Variants in LDLRAD4 observed in about 807,000 individuals in gnomAD.
LDLRAD4 encodes low-density lipoprotein receptor class A domain-containing protein 4.
Under a neutral mutation model 17.0 loss-of-function variants are expected in LDLRAD4, and 5 were observed. The observed-to-expected ratio is 0.29, with a 90% confidence interval of 0.15 to 0.62. The LOEUF is 0.62. LDLRAD4 is among the 20% of genes least tolerant of loss of function. The pLI is 0.84. For missense variants in LDLRAD4, 340 were observed against 424.7 expected, an observed-to-expected ratio of 0.80 and a Z score of 1.75; for synonymous variants, 168 against 171.8, an observed-to-expected ratio of 0.98 and a Z score of 0.17.
intron 3 of LDLRAD4, among the ~76,000 whole-genome samples, chr18:13,534,111 G>T (rs1235548050): frequency 6.6e-6 from 1 of 152,084 alleles, no homozygotes; most frequent in Non-Finnish European, 1.5e-5. Context: ...AAAACTCCTG[G>T]TGGTTTTGTA....
intron 1 of LDLRAD4, among the ~76,000 whole-genome samples, chr18:13,221,852 CATAGAT>C (rs1273306202): frequency 2.0e-5 from 3 of 152,266 alleles, no homozygotes; most frequent in African/African-American, 7.2e-5. Context: ...TTACAAAGAA[CATAGAT>C]ATAATTTCTC....
chr18:13,314,154 C>T (rs1322180294), intron 1 of LDLRAD4, among the ~76,000 whole-genome samples: 2 of 152,006 alleles, frequency 1.3e-5, no homozygotes, highest in Non-Finnish European at 2.9e-5. Context: ...ATCAGTGGGG[C>T]CCGAGGGGAG....
intron 1 of LDLRAD4, among the ~76,000 whole-genome samples, chr18:13,292,702 A>T (rs1459896786): frequency 6.6e-6 from 1 of 152,166 alleles, no homozygotes; most frequent in Non-Finnish European, 1.5e-5. Context: ...TGCTTTCTTC[A>T]CTTAGCAGCA....
chr18:13,405,161 G>A (rs2087614682), intron 2 of LDLRAD4, among the ~76,000 whole-genome samples: 1 of 151,834 alleles, frequency 6.6e-6, no homozygotes, highest in Admixed American at 6.6e-5. Context: ...TTATTAGTTA[G>A]CATTTAATTA....
chr18:13,397,173 T>C (rs1216410921), intron 2 of LDLRAD4, among the ~76,000 whole-genome samples: 2 of 152,172 alleles, frequency 1.3e-5, no homozygotes, highest in African/African-American at 4.8e-5. Flanking sequence ...TCTCTCTCTG[T>C]CGCTCTGTCG....
chr18:13,341,377 A>G (rs1396913811), intron 1 of LDLRAD4, among the ~76,000 whole-genome samples: 1 of 152,064 alleles, frequency 6.6e-6, no homozygotes, highest in Non-Finnish European at 1.5e-5. Context: ...ATGTCTTTTT[A>G]TTAATTGGTG....
chr18:13,493,454 A>T (rs2147137798), intron 3 of LDLRAD4, among the ~76,000 whole-genome samples: 1 of 152,348 alleles, frequency 6.6e-6, no homozygotes, highest in East Asian at 1.9e-4. Flanking sequence ...GGAAGCAATG[A>T]TCACTAGAAA....
intron 3 of LDLRAD4, among the ~76,000 whole-genome samples, chr18:13,459,444 G>A (rs1331117016): frequency 1.3e-5 from 2 of 151,388 alleles, no homozygotes; most frequent in Admixed American, 1.3e-4. Flanking sequence ...AGTGCAGTGT[G>A]TGATCTCAGC....
chr18:13,419,168 G>A (rs181461307), intron 2 of LDLRAD4, among the ~76,000 whole-genome samples: 58 of 152,286 alleles, frequency 3.8e-4, no homozygotes, highest in African/African-American at 1.3e-3. Flanking sequence ...TGCTATAATG[G>A]CATCTATGCA....
chr18:13,421,294 G>A (rs2089425958), intron 2 of LDLRAD4: 1 of 152,304 alleles, frequency 6.6e-6, no homozygotes, highest in Non-Finnish European at 1.5e-5. Context: ...GGTAGGCAAG[G>A]GGTGTGGAAT....
chr18:13,341,604 G>A (rs1599535987), intron 1 of LDLRAD4, among the ~76,000 whole-genome samples: 1 of 152,004 alleles, frequency 6.6e-6, no homozygotes, highest in African/African-American at 2.4e-5. Flanking sequence ...TATGTTTTAT[G>A]TTCATTAATT....
At chr18:13,260,608 C>T (rs140984238) in intron 1 of LDLRAD4, among the ~76,000 whole-genome samples, 6 of 152,274 alleles carry the variant, frequency 3.9e-5, no homozygotes, top group African/African-American at 1.2e-4. Context: ...CTGACTCAGC[C>T]GACTATTTCC....
At chr18:13,559,626 ATATG>A (rs1266529624) in intron 3 of LDLRAD4, among the ~76,000 whole-genome samples, 1 of 152,216 alleles carries the variant, frequency 6.6e-6, no homozygotes, top group African/African-American at 2.4e-5. Context: ...ATCTGTGTAC[ATATG>A]TATGTATGTA....
At chr18:13,394,892 T>A (rs947870566) in intron 2 of LDLRAD4, among the ~76,000 whole-genome samples, 77 of 152,354 alleles carry the variant, frequency 5.1e-4, no homozygotes, top group African/African-American at 1.8e-3. Context: ...ATCAAACATG[T>A]GCAGAAAGCA....
intron 1 of LDLRAD4, among the ~76,000 whole-genome samples, chr18:13,308,048 A>G (rs2047016360): frequency 6.6e-6 from 1 of 152,124 alleles, no homozygotes; most frequent in South Asian, 2.1e-4. Context: ...CGTGTTTCTT[A>G]TATATCCTTC....
intron 1 of LDLRAD4, among the ~76,000 whole-genome samples, chr18:13,312,583 T>C (rs2146756146): frequency 6.6e-6 from 1 of 152,048 alleles, no homozygotes; most frequent in African/African-American, 2.4e-5. Flanking sequence ...CCCTACAAAA[T>C]GTACAGAAAT....
At chr18:13,251,875 TC>T (rs773717123) in intron 1 of LDLRAD4, among the ~76,000 whole-genome samples, 55 of 152,228 alleles carry the variant, frequency 3.6e-4, no homozygotes, top group Non-Finnish European at 6.9e-4. Context: ...AATGCAGAGT[TC>T]CTGACTTGTG....
At chr18:13,435,953 G>A (rs769973870) in intron 2 of LDLRAD4, among the ~76,000 whole-genome samples, 1 of 152,190 alleles carries the variant, frequency 6.6e-6, no homozygotes, top group Non-Finnish European at 1.5e-5. Context: ...TGGAAACTGA[G>A]GCAGTGCTAT....
chr18:13,292,147 G>A (rs776028890), intron 1 of LDLRAD4, among the ~76,000 whole-genome samples: 35 of 152,166 alleles, frequency 2.3e-4, no homozygotes, highest in Non-Finnish European at 4.6e-4. Context: ...TGGCTGTGGG[G>A]TGGATGGAGA....
Sources: allele counts gnomAD v4.1 joint callset (sites outside exome capture counted in the v4.1 genomes callset), GRCh38; gene constraint gnomAD v4.1.1; transcripts MANE v1.5; gene names NCBI Gene and HGNC (gene_info 2026-07-23, HGNC 2026-07-21).